The following KCNC1 variants were observed in gnomAD, a reference collection of about 807,000 sequenced individuals.
KCNC1 encodes the protein voltage-gated potassium channel KCNC1.
Under a neutral mutation model 43.4 loss-of-function variants are expected in KCNC1, and 8 were observed. The observed-to-expected ratio is 0.18, with a 90% CI of 0.11 to 0.33. The LOEUF (loss-of-function observed/expected upper bound fraction) is 0.33. Ranked by LOEUF, KCNC1 falls within the 10% of genes least tolerant of loss-of-function variation. The pLI, the probability that KCNC1 is intolerant of heterozygous loss-of-function variation, is 1.00. For synonymous variants in KCNC1, 361 were observed against 360.5 expected (o/e 1.00, Z -0.01); for missense variants, 420 against 836.0 (o/e 0.50, Z 6.14).
Position 17,781,489 on chromosome 11 carries a change from G to T in KCNC1, c.1694-181G>T. 1.7e-6 allele frequency: 1 copy of T among 581,086 alleles called. No homozygotes were observed. Among genetic ancestry groups the T allele is most frequent in the Non-Finnish European group, 3.1e-6 (1 of 326,664 alleles). 36.0% of individuals were successfully genotyped at this position (581,086 alleles called of 1,614,324 possible). A position where few individuals can be genotyped will look rare whatever the true frequency, so the allele number is the denominator to read the frequency against. ...ACTCATCCCATTCCCCCAGGAGGGAGAGAAAGAGGCGTGCTAGGCTGGCTC... is the reference window on the plus strand; with the variant it reads ...ACTCATCCCATTCCCCCAGGAGGGATAGAAAGAGGCGTGCTAGGCTGGCTC... On this transcript the variant is annotated intron_variant, in intron 3 of 3. Transcript: ENST00000265969. The surrounding 1 kb of genome is among the most constrained non-coding windows in gnomAD (Gnocchi z 5.1).
At chr11:17,744,980 G>C (rs1848881475) in intron 1 of KCNC1, among the ~76,000 whole-genome samples, 1 of 152,048 alleles carries the variant, frequency 6.6e-6, no homozygotes, top group African/African-American at 2.4e-5. Flanking sequence ...GAGAGGTGTG[G>C]GCTCCTTCCA....
At chr11:17,752,524 G>A (rs1023126815) in intron 1 of KCNC1, among the ~76,000 whole-genome samples, 5 of 152,246 alleles carry the variant, frequency 3.3e-5, no homozygotes, top group Non-Finnish European at 7.3e-5. Context: ...CCACCCTCGT[G>A]CAAACTCATG....
chr11:17,776,621 GC>G lies in KCNC1; in HGVS notation c.1505-2834del. ...CTGCCCATGCTGCCATTTCATCACT[GC>G]AGGCCTGTGGGTCTAGTGGGGGCCT... On this transcript the variant is annotated intron_variant, in intron 2 of 3. Coordinates refer to ENST00000265969, the MANE Select transcript of KCNC1 (RefSeq NM_001112741.2). The surrounding 1 kb of genome is among the most constrained non-coding windows in gnomAD (Gnocchi z 4.4). The G allele has an allele frequency of 1.0e-6, 1 of 985,432 alleles. No individual in the cohort carries two copies. Among genetic ancestry groups the G allele is most frequent in the Non-Finnish European group, 1.2e-6 (1 of 829,966 alleles). The allele number at this position is 985,432 out of a possible 1,614,324, so 61.0% of individuals were successfully genotyped here.
intron 1 of KCNC1, among the ~76,000 whole-genome samples, chr11:17,754,416 A>C (rs948829056): frequency 6.6e-6 from 1 of 152,198 alleles, no homozygotes; most frequent in Admixed American, 6.5e-5. Context: ...GATTGTGTAC[A>C]TTGCCAGGGT....
chr11:17,768,745 CCA>C, intron 1 of KCNC1, among the ~76,000 whole-genome samples: 1 of 152,308 alleles, frequency 6.6e-6, no homozygotes, highest in African/African-American at 2.4e-5. Flanking sequence ...GTTCGGTCAT[CCA>C]CAGTGTGCTT....
chr11:17,776,515 G>C lies in KCNC1; in HGVS notation c.1505-2941G>C. 1 of 985,388 alleles carries C rather than the reference G, an allele frequency of 1.0e-6. No homozygotes were observed. Among genetic ancestry groups the C allele is most frequent in the South Asian group, 4.7e-5 (1 of 21,286 alleles). The allele number at this position is 985,388 out of a possible 1,614,324, so 61.0% of individuals were successfully genotyped here. Reference sequence around the variant, plus strand: ...GAGGGCCCAGCCTCGGGTTCTCCTTGCTCCAAAGTTTAAAAAAAAATGACC... The same window carrying C: ...GAGGGCCCAGCCTCGGGTTCTCCTTCCTCCAAAGTTTAAAAAAAAATGACC... On this transcript the variant is annotated intron_variant, in intron 2 of 3. Coordinates refer to ENST00000265969, the MANE Select transcript of KCNC1 (RefSeq NM_001112741.2). This position sits in a 1 kb window ranked among gnomAD's most constrained non-coding sequence, Gnocchi z 4.4.
At position 17,777,069 on chromosome 11, in the gene KCNC1, A is replaced by G; in HGVS notation, c.1505-2387A>G. 1 of 984,978 alleles carries G rather than the reference A, an allele frequency of 1.0e-6. No homozygotes were observed. Among genetic ancestry groups the G allele is most frequent in the Non-Finnish European group, 1.2e-6 (1 of 829,834 alleles). The allele number at this position is 984,978 out of a possible 1,614,324, so 61.0% of individuals were successfully genotyped here. On this transcript the variant is annotated intron_variant, in intron 2 of 3. Coordinates refer to ENST00000265969, the MANE Select transcript of KCNC1 (RefSeq NM_001112741.2). This position sits in a 1 kb window ranked among gnomAD's most constrained non-coding sequence, Gnocchi z 4.3. ...TCATCCCTCCAGGGATCCCTGATGG[A>G]TGTTCCTTGTCCCCTGCCCAAAACC... is the stretch of plus-strand genomic sequence containing the variant.
chr11:17,775,868 A>T, intron 2 of KCNC1: 1 of 985,508 alleles, frequency 1.0e-6, no homozygotes, highest in Non-Finnish European at 1.2e-6. Context: ...CCTGGGAGCT[A>T]ACCTTGCAGC....
chr11:17,768,354 G>C (rs191753565), intron 1 of KCNC1, among the ~76,000 whole-genome samples: 3 of 152,322 alleles, frequency 2.0e-5, no homozygotes, highest in Non-Finnish European at 4.4e-5. Context: ...AAATGGCAGA[G>C]AGCTGCACAT....
rs1849229567 is a variant in KCNC1, at chr11:17,771,587, C to T, written c.571-78C>T. On this transcript the variant is annotated intron_variant, in intron 1 of 3. Coordinates refer to ENST00000265969, the MANE Select transcript of KCNC1 (RefSeq NM_001112741.2). This position sits in a 1 kb window ranked among gnomAD's most constrained non-coding sequence, Gnocchi z 4.7. ...TGCTGGCATCTCCCCCCGCCTGGCC[C>T]TGGGACTGGACAGAGGCAACCCAGG... 1 of 1,314,350 alleles carries T rather than the reference C, an allele frequency of 7.6e-7. No individual in the cohort carries two copies. The highest frequency in any genetic ancestry group is 1.5e-5 in the African/African-American group (1 of 67,994). The allele number at this position is 1,314,350 out of a possible 1,614,324, so 81.4% of individuals were successfully genotyped here.
chr11:17,753,618 C>A (rs1848992559), intron 1 of KCNC1, among the ~76,000 whole-genome samples: 1 of 152,244 alleles, frequency 6.6e-6, no homozygotes, highest in African/African-American at 2.4e-5. Context: ...TGGGCCATCT[C>A]CTCCCATTGC....
intron 2 of KCNC1, chr11:17,775,447 C>T: frequency 1.0e-6 from 1 of 985,596 alleles, no homozygotes; most frequent in Non-Finnish European, 1.2e-6. Flanking sequence ...GAGGGCTTGT[C>T]CTGGGAGGGG....
Position 17,773,823 on chromosome 11 carries a change from A to C in KCNC1, c.1504+1225A>C. On this transcript the variant is annotated intron_variant, in intron 2 of 3. Transcript: ENST00000265969. This position sits in a 1 kb window ranked among gnomAD's most constrained non-coding sequence, Gnocchi z 4.1. ...AGAATGACAGCACTGAGTAAGAAGG[A>C]GTGCCAGGTGAGCAGGAGGTTGACG... 3.0e-6 allele frequency: 3 copies of C among 985,432 alleles called. No homozygotes were observed. Among genetic ancestry groups the C allele is most frequent in the Non-Finnish European group, 3.6e-6 (3 of 829,996 alleles). 61.0% of individuals were successfully genotyped at this position (985,432 alleles called of 1,614,324 possible). A position where few individuals can be genotyped will look rare whatever the true frequency, so the allele number is the denominator to read the frequency against.
chr11:17,770,206 A>G (rs1222638795), intron 1 of KCNC1, among the ~76,000 whole-genome samples: 2 of 152,264 alleles, frequency 1.3e-5, no homozygotes, highest in Non-Finnish European at 2.9e-5. Context: ...TGCTGTTGAC[A>G]CAGGGCGCGA....
intron 1 of KCNC1, among the ~76,000 whole-genome samples, chr11:17,743,712 G>A (rs1848866787): frequency 6.6e-6 from 1 of 152,188 alleles, no homozygotes; most frequent in African/African-American, 2.4e-5. Flanking sequence ...CACAGCTCCT[G>A]CGGCTCCCTT....
intron 2 of KCNC1, chr11:17,774,759 G>A (rs895899348): frequency 1.0e-6 from 1 of 985,424 alleles, no homozygotes; most frequent in South Asian, 4.7e-5. Context: ...CTTGCCCTCT[G>A]GAGCTTGGAT....
rs1035259407 is a variant in KCNC1 at position 17,739,022 on chromosome 11, C to T, written c.570+2450C>T. 3.3e-5 allele frequency among the ~76,000 whole-genome samples: 5 copies of T among 152,238 alleles called. No individual in the cohort carries two copies. The highest frequency in any genetic ancestry group is 1.2e-4 in the African/African-American group (5 of 41,468). On this transcript the variant is annotated intron_variant, in intron 1 of 3. Coordinates refer to ENST00000265969, the MANE Select transcript of KCNC1 (RefSeq NM_001112741.2). The surrounding 1 kb of genome is among the most constrained non-coding windows in gnomAD (Gnocchi z 4.2). ...CAGAGCGGGATTAGAACCCCAGCTT[C>T]CTGCCGCCCGCCCGGCTGGCCTAGC... is the stretch of plus-strand genomic sequence containing the variant.
rs188877455 is a variant in KCNC1 at position 17,774,974 on chromosome 11, C to T, written c.1504+2376C>T. The T allele has an allele frequency of 9.6e-3, 9,414 of 985,362 alleles. 62 individuals carry two copies. Among genetic ancestry groups the T allele is most frequent in the Non-Finnish European group, 0.01 (8,612 of 829,992 alleles). 61.0% of individuals were successfully genotyped at this position (985,362 alleles called of 1,614,324 possible). On this transcript the variant is annotated intron_variant, in intron 2 of 3. Coordinates refer to ENST00000265969, the MANE Select transcript of KCNC1 (RefSeq NM_001112741.2). ...CAAGAGGAGTTGCGGTCTTTAGGGG[C>T]GTTGTCCCCACCTCTGCACCCCAGA...
chr11:17,745,874 C>T (rs1036102736), intron 1 of KCNC1, among the ~76,000 whole-genome samples: 2 of 152,198 alleles, frequency 1.3e-5, no homozygotes, highest in Non-Finnish European at 2.9e-5. Context: ...CTCTTTTCTC[C>T]TTGGCATTAA....
Sources: gnomAD v4.1 joint callset for allele counts (sites outside exome capture counted in the v4.1 genomes callset) on GRCh38, gnomAD v4.1.1 for gene constraint, Gnocchi (gnomAD v3.1) non-coding constraint, MANE v1.5 for transcripts, NCBI Gene and HGNC (gene_info 2026-07-23, HGNC 2026-07-21) for gene names.